SDK1: variants seen among roughly 807,000 people sequenced by gnomAD.
The protein encoded by SDK1 is sidekick cell adhesion molecule 1, also known as protein sidekick-1.
Under a neutral mutation model 245.5 loss-of-function variants are expected in SDK1, and 157 were observed. The ratio of observed to expected loss-of-function variants is 0.64; its 90% confidence interval spans 0.56 to 0.73. The LOEUF is 0.73. Among genes scored for constraint, SDK1 ranks in the 30% least tolerant of loss-of-function variants. SDK1 has a pLI of 0.00. For missense variants in SDK1, 3,583 were observed against 3,002.3 expected, an observed-to-expected ratio of 1.19 and a Z score of -4.52; for synonymous variants, 1,647 against 1,278.5, an observed-to-expected ratio of 1.29 and a Z score of -6.15.
intron 4 of SDK1, among the ~76,000 whole-genome samples, chr7:3,735,601 A>G (rs544692331): frequency 6.6e-6 from 1 of 152,238 alleles, no homozygotes; most frequent in African/African-American, 2.4e-5. Flanking sequence ...CCTTTTTGCT[A>G]TTGTGAATGA....
intron 5 of SDK1, among the ~76,000 whole-genome samples, chr7:3,920,878 G>T (rs442624): frequency 6.6e-6 from 1 of 152,316 alleles, no homozygotes; most frequent in South Asian, 2.1e-4. Context: ...TGAAGAAGGC[G>T]TTTGGTAACA....
At chr7:3,422,378 C>T (rs867624189) in intron 1 of SDK1, among the ~76,000 whole-genome samples, 1 of 152,168 alleles carries the variant, frequency 6.6e-6, no homozygotes, top group Non-Finnish European at 1.5e-5. Flanking sequence ...TTATATGCAA[C>T]CGATTAACTT....
At chr7:3,484,730 T>G (rs1781625415) in intron 1 of SDK1, among the ~76,000 whole-genome samples, 1 of 152,162 alleles carries the variant, frequency 6.6e-6, no homozygotes, top group South Asian at 2.1e-4. Context: ...CGGTTTTTTT[T>G]AGCTCCCACA....
chr7:3,536,776 T>G (rs549551901), intron 1 of SDK1, among the ~76,000 whole-genome samples: 1 of 152,294 alleles, frequency 6.6e-6, no homozygotes, highest in East Asian at 1.9e-4. Context: ...ACAATACTTG[T>G]ATTCGTTGGA....
At chr7:3,514,231 A>T (rs543390293) in intron 1 of SDK1, among the ~76,000 whole-genome samples, 1 of 152,354 alleles carries the variant, frequency 6.6e-6, no homozygotes, top group South Asian at 2.1e-4. Flanking sequence ...TAGGAGATTT[A>T]CAATGGACAT....
At chr7:4,221,606 C>G (rs192182358) in intron 40 of SDK1, among the ~76,000 whole-genome samples, 8 of 152,282 alleles carry the variant, frequency 5.3e-5, no homozygotes, top group Admixed American at 3.9e-4. Flanking sequence ...CCCCAGGACA[C>G]TTACTTAGGA....
intron 28 of SDK1, among the ~76,000 whole-genome samples, chr7:4,136,751 G>A (rs556819285): frequency 4.2e-4 from 64 of 152,338 alleles, no homozygotes; most frequent in African/African-American, 1.5e-3. Flanking sequence ...GCGGGATCCC[G>A]CCCTGCCAGC....
intron 1 of SDK1, among the ~76,000 whole-genome samples, chr7:3,590,774 A>G (rs1164908137): frequency 6.4e-5 from 9 of 139,742 alleles, no homozygotes; most frequent in African/African-American, 2.7e-5. Context: ...GGCTGAGTAT[A>G]GCACTTTTTT....
chr7:3,694,620 G>T (rs1013623318), intron 4 of SDK1, among the ~76,000 whole-genome samples: 1 of 152,090 alleles, frequency 6.6e-6, no homozygotes, highest in Non-Finnish European at 1.5e-5. Flanking sequence ...AGGTGATCCA[G>T]TGGATGTTCT....
intron 29 of SDK1, among the ~76,000 whole-genome samples, chr7:4,146,443 G>A (rs927887379): frequency 6.7e-6 from 1 of 149,522 alleles, no homozygotes; most frequent in Non-Finnish European, 1.5e-5. Flanking sequence ...AGACATGTGA[G>A]CATTGCATAA....
rs528418404 is a variant in SDK1 at position 3,927,695 on chromosome 7, G to A, written c.848-23228G>A. Among the ~76,000 whole-genome samples, 5 of 152,348 alleles carry A rather than the reference G, an allele frequency of 3.3e-5. No homozygotes were observed. The East Asian group carries it at 9.6e-4, about 29-fold the overall frequency. On this transcript the variant is annotated intron_variant, in intron 5 of 44. Transcript: ENST00000404826. ...TGACACTGTCATGTCCAACCTGTTT[G>A]CCTGAACATACTTTGGCCACTTTGG...
intron 1 of SDK1, among the ~76,000 whole-genome samples, chr7:3,444,190 C>T (rs1780278469): frequency 6.6e-6 from 1 of 152,186 alleles, no homozygotes; most frequent in Admixed American, 6.5e-5. Context: ...ACCTCCTGAG[C>T]CCAAGTCTGC....
At chr7:3,934,676 G>C (rs1322420174) in intron 5 of SDK1, among the ~76,000 whole-genome samples, 1 of 152,254 alleles carries the variant, frequency 6.6e-6, no homozygotes, top group East Asian at 1.9e-4. Context: ...CCAGGAATTT[G>C]CAAGGAGTGG....
In SDK1 at chr7:3,513,592, A is replaced by T. The variant is rs750959764; in HGVS notation, c.299-105488A>T. Among the ~76,000 whole-genome samples, 3 of 152,224 alleles carry T rather than the reference A, an allele frequency of 2.0e-5. No homozygotes were observed. The South Asian group carries it at 6.2e-4, about 32-fold the overall frequency. On this transcript the variant is annotated intron_variant, in intron 1 of 44. Coordinates refer to ENST00000404826, the MANE Select transcript of SDK1 (RefSeq NM_152744.4). ...CATATTTAAATTGTTTTAAATTATT[A>T]GTGGGCATTTTTATTCTATACAGTT...
intron 4 of SDK1, among the ~76,000 whole-genome samples, chr7:3,797,561 C>T (rs547709956): frequency 6.6e-6 from 1 of 151,592 alleles, no homozygotes; most frequent in East Asian, 1.9e-4. Flanking sequence ...TGTTTTCATA[C>T]TTAATACCTA....
In SDK1 at chr7:4,179,785, A is replaced by G. The variant is rs1486057896; in HGVS notation, c.5098+1199A>G. Among the ~76,000 whole-genome samples, 4 of 151,696 alleles carry G rather than the reference A, an allele frequency of 2.6e-5. No individual in the cohort carries two copies. In the East Asian group the frequency reaches 7.9e-4, roughly 30 times the overall value. On this transcript the variant is annotated intron_variant, in intron 35 of 44. Coordinates refer to ENST00000404826, the MANE Select transcript of SDK1 (RefSeq NM_152744.4). ...CAGTAAAGGGTGGGTGCCACTGCGG[A>G]CGGCGGCCATGGCAGATTCTGTGCT...
chr7:3,370,010 C>T (rs536195974), intron 1 of SDK1, among the ~76,000 whole-genome samples: 1 of 152,282 alleles, frequency 6.6e-6, no homozygotes, highest in East Asian at 1.9e-4. Flanking sequence ...AAAATCAATA[C>T]TGGTTTTAAA....
chr7:3,858,931 C>T (rs1055167606), intron 5 of SDK1, among the ~76,000 whole-genome samples: 3 of 146,210 alleles, frequency 2.1e-5, no homozygotes, highest in Non-Finnish European at 4.4e-5. Context: ...GGCGTGATCT[C>T]GGCTCGCTGC....
At chr7:3,440,078 C>T (rs1780150929) in intron 1 of SDK1, among the ~76,000 whole-genome samples, 1 of 152,096 alleles carries the variant, frequency 6.6e-6, no homozygotes, top group African/African-American at 2.4e-5. Context: ...GTTTCAGTCA[C>T]CTGTGGTCCG....
Sources: gnomAD v4.1 joint callset for allele counts (sites outside exome capture counted in the v4.1 genomes callset) on GRCh38, gnomAD v4.1.1 for gene constraint, MANE v1.5 for transcripts, NCBI Gene and HGNC (gene_info 2026-07-23, HGNC 2026-07-21) for gene names.